Variants in ANKRD30B observed in about 807,000 individuals in gnomAD.
ANKRD30B encodes ankyrin repeat domain-containing protein 30B.
ANKRD30B carries 144 observed loss-of-function variants against 202.2 expected under a neutral mutation model. The ratio of observed to expected loss-of-function variants is 0.71; its 90% CI spans 0.62 to 0.82. The LOEUF is 0.82. Ranked by LOEUF, ANKRD30B falls within the 40% of genes least tolerant of loss-of-function variation. The pLI, the probability that ANKRD30B is intolerant of heterozygous loss-of-function variation, is 0.00. For synonymous variants in ANKRD30B, 508 were observed against 561.3 expected (o/e 0.91, Z 1.34); for missense variants, 1,487 against 1,669.1 (o/e 0.89, Z 1.90).
chr18:14,883,445 C>T, the ANKRD30B span: 1 of 134,332 alleles, frequency 7.4e-6, no homozygotes, highest in Non-Finnish European at 1.6e-5. Context: ...ATCTCCTGTT[C>T]TGTATATATC....
chr18:14,776,751 C>A (rs192646094), intron 9 of ANKRD30B, among the ~76,000 whole-genome samples: 1 of 152,114 alleles, frequency 6.6e-6, no homozygotes, highest in Non-Finnish European at 1.5e-5. Flanking sequence ...GAATGAATTG[C>A]GTACTTTATC....
At chr18:14,864,631 T>C in the ANKRD30B span, among the ~76,000 whole-genome samples, 3 of 151,412 alleles carry the variant, frequency 2.0e-5, no homozygotes, top group Non-Finnish European at 4.4e-5. Context: ...TTTCTCCCTC[T>C]CCCTGGCCAG....
At chr18:14,913,093 T>C in the ANKRD30B span, among the ~76,000 whole-genome samples, 1 of 152,250 alleles carries the variant, frequency 6.6e-6, no homozygotes, top group African/African-American at 2.4e-5. Context: ...CTTGGCCACA[T>C]TGCAGGCTCT....
intron 34 of ANKRD30B, among the ~76,000 whole-genome samples, chr18:14,832,646 TG>T (rs1204868967): frequency 6.6e-6 from 1 of 152,196 alleles, no homozygotes; most frequent in Non-Finnish European, 1.5e-5. Context: ...AATAAGCAAA[TG>T]AATTTTTATG....
At chr18:14,905,496 A>G in the ANKRD30B span, 1 of 152,254 alleles carries the variant, frequency 6.6e-6, no homozygotes, top group Non-Finnish European at 1.5e-5. Context: ...GTAGAAAGAA[A>G]TGCTTGAGTT....
chr18:14,793,091 C>T (rs1251513379), intron 16 of ANKRD30B, among the ~76,000 whole-genome samples: 1 of 152,110 alleles, frequency 6.6e-6, no homozygotes, highest in Non-Finnish European at 1.5e-5. Context: ...CATCTTCCTC[C>T]ATGAGTTGAT....
chr18:14,818,254 T>G (rs1433277415), intron 30 of ANKRD30B, among the ~76,000 whole-genome samples: 1 of 152,118 alleles, frequency 6.6e-6, no homozygotes, highest in Non-Finnish European at 1.5e-5. Context: ...AATAAAACTG[T>G]TATTTTCAGT....
chr18:14,828,209 T>C (rs1416573628), intron 32 of ANKRD30B, 69 bp from the exon 33 acceptor site: 2 of 1,228,884 alleles, frequency 1.6e-6, no homozygotes, highest in African/African-American at 3.1e-5. Context: ...TGCCCTCTTA[T>C]GTTTTTAATA....
In ANKRD30B at chr18:14,772,330, T is replaced by C. The variant is rs577200536; in HGVS notation, c.1329+102T>C. Reference sequence around the variant, plus strand: ...GTATCATTATTTCATGTTGGTAATATAAAGTTGGTCAGATAAAAACATTTT... The same window carrying C: ...GTATCATTATTTCATGTTGGTAATACAAAGTTGGTCAGATAAAAACATTTT... On this transcript the variant is annotated intron_variant, in intron 9 of 43. Coordinates refer to ENST00000690538, the MANE Select transcript of ANKRD30B (RefSeq NM_001367607.2). The C allele has an allele frequency of 2.4e-5, 17 of 696,800 alleles. No homozygotes were observed. In the South Asian group the frequency reaches 8.1e-4, roughly 33 times the overall value. The allele number at this position is 696,800 out of a possible 1,614,324, so 43.2% of individuals were successfully genotyped here.
At chr18:14,831,198 A>AAAAAAAAAAAAAAC in intron 33 of ANKRD30B, among the ~76,000 whole-genome samples, 185 bp from the exon 34 acceptor site, 1 of 151,054 alleles carries the variant, frequency 6.6e-6, no homozygotes. Context: ...AAAAAAAAAA[A>AAAAAAAAAAAAAAC]AACGAAAACC....
At chr18:14,928,792 G>T in the ANKRD30B span, among the ~76,000 whole-genome samples, 1 of 152,184 alleles carries the variant, frequency 6.6e-6, no homozygotes, top group Non-Finnish European at 1.5e-5. Flanking sequence ...TCAAATTTTG[G>T]TGATATATTT....
chr18:14,804,439 C>T lies in ANKRD30B; in HGVS notation c.2284+615C>T, dbSNP rs1038396979. Among the ~76,000 whole-genome samples, 6 of 140,976 alleles carry T rather than the reference C, an allele frequency of 4.3e-5. 1 individual carries two copies. The highest frequency in any genetic ancestry group is 2.4e-4 in the South Asian group (1 of 4,168). 92.5% of individuals were successfully genotyped at this position (140,976 alleles called of 152,430 possible). Reference sequence around the variant, plus strand: ...TTTGTCATATACACTCCGTATAGACCGTAAGTTTTCAAACTTTAGAAAACC... The same window carrying T: ...TTTGTCATATACACTCCGTATAGACTGTAAGTTTTCAAACTTTAGAAAACC... On this transcript the variant is annotated intron_variant, in intron 24 of 43. Coordinates refer to ENST00000690538, the MANE Select transcript of ANKRD30B (RefSeq NM_001367607.2).
the ANKRD30B span, among the ~76,000 whole-genome samples, chr18:14,908,386 CCT>C: frequency 1.3e-5 from 2 of 152,116 alleles, no homozygotes; most frequent in Non-Finnish European, 2.9e-5. Flanking sequence ...GTCTGCAGGC[CCT>C]CTCATCAGCC....
At chr18:14,899,651 G>A in the ANKRD30B span, among the ~76,000 whole-genome samples, 1 of 152,116 alleles carries the variant, frequency 6.6e-6, no homozygotes, top group East Asian at 1.9e-4. Flanking sequence ...TATTTAACAA[G>A]TATTTATTGA....
intron 4 of ANKRD30B, among the ~76,000 whole-genome samples, 192 bp from the exon 5 acceptor site, chr18:14,757,623 A>G (rs941912972): frequency 6.6e-6 from 1 of 152,192 alleles, no homozygotes; most frequent in African/African-American, 2.4e-5. Context: ...AGCCAATTCT[A>G]GTATGCCACA....
At chr18:14,822,805 G>T in intron 32 of ANKRD30B, 128 bp downstream of exon 32, 3 of 1,245,988 alleles carry the variant, frequency 2.4e-6, no homozygotes, top group Non-Finnish European at 3.2e-6. Flanking sequence ...CACAAATAAT[G>T]CCAATGTTAG....
the ANKRD30B span, among the ~76,000 whole-genome samples, chr18:14,861,340 A>T: frequency 2.0e-5 from 3 of 152,150 alleles, no homozygotes; most frequent in Non-Finnish European, 2.9e-5. Context: ...CAAACTGGAT[A>T]AAAAAAAGAA....
At chr18:14,865,569 C>T in the ANKRD30B span, among the ~76,000 whole-genome samples, 144,513 of 148,182 alleles carry the variant, frequency 0.98, 70,586 homozygotes, top group Middle Eastern at 1. Context: ...TGAAACCTTC[C>T]GTCCCTCCTG....
chr18:14,867,738 G>A, the ANKRD30B span, among the ~76,000 whole-genome samples: 130 of 152,258 alleles, frequency 8.5e-4, 1 homozygote, highest in Middle Eastern at 6.8e-3. Context: ...GCACTGTGGT[G>A]TCTCCAGTCC....
Sources: gnomAD v4.1 joint callset for allele counts (sites outside exome capture counted in the v4.1 genomes callset) on GRCh38, gnomAD v4.1.1 for gene constraint, MANE v1.5 for transcripts, NCBI Gene and HGNC (gene_info 2026-07-23, HGNC 2026-07-21) for gene names.